THADA: variants seen among roughly 807,000 people sequenced by gnomAD.
THADA encodes THADA armadillo repeat containing, also known as tRNA (32-2'-O)-methyltransferase regulator THADA.
A neutral mutation model predicts 219.8 loss-of-function variants in THADA; 213 were observed. The observed-to-expected ratio is 0.97, with a 90% CI of 0.87 to 1.09. THADA has a LOEUF of 1.09. Among genes scored for constraint, THADA ranks in the 50% least tolerant of loss-of-function variants. The pLI, the probability that THADA is intolerant of heterozygous loss-of-function variation, is 0.00. For synonymous variants in THADA, 1,018 were observed against 828.9 expected (o/e 1.23, Z -3.92); for missense variants, 2,956 against 2,311.3 (o/e 1.28, Z -5.72).
At chr2:43,591,491 G>C (rs530442112) in intron 3 of THADA, among the ~76,000 whole-genome samples, 115 of 151,792 alleles carry the variant, frequency 7.6e-4, no homozygotes, top group African/African-American at 2.6e-3. Flanking sequence ...TCACAGACCT[G>C]TTAATGGCTT....
intron 28 of THADA, among the ~76,000 whole-genome samples, chr2:43,426,493 C>A (rs1678440344): frequency 6.6e-6 from 1 of 152,206 alleles, no homozygotes; most frequent in Non-Finnish European, 1.5e-5. Flanking sequence ...ATTTTTAAGG[C>A]CCCTGAAAGT....
intron 22 of THADA, among the ~76,000 whole-genome samples, chr2:43,512,710 C>T (rs758926626): frequency 1.3e-5 from 2 of 152,220 alleles, no homozygotes; most frequent in African/African-American, 2.4e-5. Context: ...CCATGTTGGT[C>T]GGGCTGATCT....
Position 43,395,642 on chromosome 2 carries a change from G to A in THADA, c.4227+2329C>T, listed in dbSNP as rs558039543. The stretch of plus-strand genomic sequence containing the variant: ...TCCTCTTTTACTCTCATTCTCTCAT[G>A]AGTGTACAGTGGAGTTTGCCAGAGG... On this transcript the variant is annotated intron_variant, in intron 29 of 37. Coordinates refer to ENST00000405975, the MANE Select transcript of THADA (RefSeq NM_022065.5). Among the ~76,000 whole-genome samples, 4 of 152,338 alleles carry A rather than the reference G, an allele frequency of 2.6e-5. No individual in the cohort carries two copies. The East Asian group carries it at 7.7e-4, about 29-fold the overall frequency.
At chr2:43,482,933 T>C (rs1438721920) in intron 26 of THADA, among the ~76,000 whole-genome samples, 1 of 152,190 alleles carries the variant, frequency 6.6e-6, no homozygotes, top group Non-Finnish European at 1.5e-5. Context: ...GGTATATAGA[T>C]GGAGAAACTG....
At chr2:43,552,684 G>A (rs183255119) in intron 17 of THADA, among the ~76,000 whole-genome samples, 1 of 152,140 alleles carries the variant, frequency 6.6e-6, no homozygotes, top group Non-Finnish European at 1.5e-5. Flanking sequence ...CAGCTTTTCT[G>A]AGATGTAATT....
Position 43,573,016 on chromosome 2 carries a change from A to G in THADA, c.1730-24T>C, listed in dbSNP as rs1337838333. 3.1e-6 allele frequency: 5 copies of G among 1,600,386 alleles called. No homozygotes were observed. In the African/African-American group the frequency reaches 5.4e-5, roughly 17 times the overall value. ...TCCTGAAAGCACAATAACAAAGACC[A>G]TTACTGTATTATGCAATGACTACTA... On this transcript the variant is annotated intron_variant, in intron 11 of 37. Coordinates refer to ENST00000405975, the MANE Select transcript of THADA (RefSeq NM_022065.5).
rs1675796739 is a variant in THADA, at chr2:43,298,086, T to C, written c.4439-4873A>G. On this transcript the variant is annotated intron_variant, in intron 31 of 37. Coordinates refer to ENST00000405975, the MANE Select transcript of THADA (RefSeq NM_022065.5). ...GCCCCTCTGCCCGGCCACCACCCCG[T>C]CTGGGAGGTGTGCCCAACAGCTCAT... Among the ~76,000 whole-genome samples the C allele has an allele frequency of 3.4e-5, 3 of 87,074 alleles. 1 individual carries two copies. The highest frequency in any genetic ancestry group is 6.4e-5 in the Non-Finnish European group (3 of 46,776). 57.1% of individuals were successfully genotyped at this position (87,074 alleles called of 152,430 possible).
intron 29 of THADA, among the ~76,000 whole-genome samples, chr2:43,350,316 A>C (rs539150188): frequency 4.6e-5 from 7 of 152,346 alleles, no homozygotes; most frequent in South Asian, 2.1e-4. Context: ...AAGCCCAATC[A>C]CATCACTGCT....
intron 20 of THADA, among the ~76,000 whole-genome samples, chr2:43,542,524 A>G (rs1695457948): frequency 6.6e-6 from 1 of 152,250 alleles, no homozygotes; most frequent in African/African-American, 2.4e-5. Flanking sequence ...GCTTCTGATG[A>G]CGTTTTACAG....
At chr2:43,454,918 GTA>G (rs1367452702) in intron 26 of THADA, among the ~76,000 whole-genome samples, 2 of 148,226 alleles carry the variant, frequency 1.3e-5, no homozygotes, top group East Asian at 1.9e-4. Flanking sequence ...CTAATTCTCT[GTA>G]TATGAGCTGT....
chr2:43,569,521 T>A (rs963849787), intron 14 of THADA, among the ~76,000 whole-genome samples: 3 of 152,194 alleles, frequency 2.0e-5, no homozygotes, highest in African/African-American at 7.2e-5. Flanking sequence ...GACGTCCCAA[T>A]CTTCGTCATT....
intron 29 of THADA, among the ~76,000 whole-genome samples, chr2:43,386,513 G>A (rs1447520231): frequency 3.9e-5 from 6 of 152,130 alleles, no homozygotes; most frequent in Non-Finnish European, 8.8e-5. Flanking sequence ...TACTTTGAGA[G>A]TCAAGTGACA....
intron 30 of THADA, among the ~76,000 whole-genome samples, chr2:43,338,242 C>G (rs536648875): frequency 1.3e-5 from 2 of 151,426 alleles, no homozygotes; most frequent in Non-Finnish European, 2.9e-5. Flanking sequence ...CTGCAACTTC[C>G]ATCTCCCAGG....
In THADA at chr2:43,374,950, T is replaced by G. The variant is rs548157868; in HGVS notation, c.4227+23021A>C. 3.4e-4 allele frequency among the ~76,000 whole-genome samples: 52 copies of G among 151,822 alleles called. No individual in the cohort carries two copies. The Middle Eastern group carries it at 0.014, about 40-fold the overall frequency. On this transcript the variant is annotated intron_variant, in intron 29 of 37. Transcript: ENST00000405975. The stretch of plus-strand genomic sequence containing the variant: ...AGGAAAAGACCAAAAATCTGGAAAA[T>G]AAGAGCAACTATATACTGAAACTCA...
chr2:43,570,965 A>C (rs534193348), intron 13 of THADA, among the ~76,000 whole-genome samples: 1 of 152,372 alleles, frequency 6.6e-6, no homozygotes, highest in East Asian at 1.9e-4. Flanking sequence ...CCAAAATGAA[A>C]GGCCTTTTGG....
At position 43,577,017 on chromosome 2, in the gene THADA, C is replaced by T. The variant is rs978539004; in HGVS notation, c.1037+5G>A. The T allele has an allele frequency of 6.2e-7, 1 of 1,610,298 alleles. No homozygotes were observed. Among genetic ancestry groups the T allele is most frequent in the Admixed American group, 1.7e-5 (1 of 59,526 alleles). On this transcript the variant is annotated splice_donor_5th_base_variant and intron_variant, in intron 10 of 37. Coordinates refer to ENST00000405975, the MANE Select transcript of THADA (RefSeq NM_022065.5). ...AAAATATGAGACGATAGCATCAAAA[C>T]TCACTGTGAACTCAAGGTGAACAAA...
At chr2:43,314,432 G>C (rs1349416894) in intron 31 of THADA, among the ~76,000 whole-genome samples, 1 of 152,140 alleles carries the variant, frequency 6.6e-6, no homozygotes, top group African/African-American at 2.4e-5. Context: ...TTAAATACTT[G>C]GTAAAAGAAA....
intron 34 of THADA, 91 bp from the exon 35 acceptor site, chr2:43,287,152 T>A: frequency 8.2e-7 from 1 of 1,223,860 alleles, no homozygotes; most frequent in Non-Finnish European, 1.1e-6. Context: ...ACTGGGCCTG[T>A]AGATTAGCTC....
chr2:43,359,766 A>G (rs540019635), intron 29 of THADA, among the ~76,000 whole-genome samples: 2 of 151,790 alleles, frequency 1.3e-5, no homozygotes, highest in South Asian at 4.2e-4. Context: ...GACAATCATC[A>G]TGGATAAGCT....
Sources: allele counts gnomAD v4.1 joint callset (sites outside exome capture counted in the v4.1 genomes callset), GRCh38; gene constraint gnomAD v4.1.1; transcripts MANE v1.5; gene names NCBI Gene and HGNC (gene_info 2026-07-23, HGNC 2026-07-21).